The following CTNS variants were observed in gnomAD, a reference collection of about 807,000 sequenced individuals.
The protein encoded by CTNS is cystinosin, lysosomal cystine transporter, also known as cystinosin.
CTNS carries 27 observed loss-of-function variants against 43.7 expected under a neutral mutation model. The observed-to-expected ratio is 0.62, with a 90% CI of 0.46 to 0.85. The LOEUF (loss-of-function observed/expected upper bound fraction) is 0.85. Ranked by LOEUF, CTNS falls within the 40% of genes least tolerant of loss-of-function variation. The probability of loss-of-function intolerance (pLI) is 0.00; values close to 1 mark genes in which losing one functional copy is unlikely to be tolerated. For missense variants in CTNS, 457 were observed against 475.4 expected, an observed-to-expected ratio of 0.96 and a Z score of 0.36; for synonymous variants, 187 against 190.6, an observed-to-expected ratio of 0.98 and a Z score of 0.16.
At chr17:3,652,536 G>A (rs767560941) in intron 5 of CTNS, among the ~76,000 whole-genome samples, 4 of 152,050 alleles carry the variant, frequency 2.6e-5, no homozygotes, top group Non-Finnish European at 4.4e-5. Context: ...AGGTTGCAGC[G>A]AGCCGAAATC....
chr17:3,636,530 G>T (rs920347235), upstream of CTNS: 4 of 352,440 alleles, frequency 1.1e-5, no homozygotes, highest in Non-Finnish European at 2.1e-5. Flanking sequence ...AGGCGCTGGC[G>T]GCTCCAAGAG....
At chr17:3,654,135 T>G (rs1446817829) in intron 5 of CTNS, among the ~76,000 whole-genome samples, 3 of 152,170 alleles carry the variant, frequency 2.0e-5, no homozygotes, top group African/African-American at 7.2e-5. Context: ...TATTGTAGTA[T>G]AGCAGTGGCC....
Position 3,650,157 on chromosome 17 carries a change from A to G in CTNS, c.225+1226A>G, listed in dbSNP as rs187151885. 368 of 1,549,776 alleles carry G rather than the reference A, an allele frequency of 2.4e-4. 1 individual carries two copies. The East Asian group carries it at 8.8e-3, about 37-fold the overall frequency. ...AAATATATACACTTTTTATTTGTCAATGATACCTTAATAAAGCTGGTGGAA... is the reference window on the plus strand; with the variant it reads ...AAATATATACACTTTTTATTTGTCAGTGATACCTTAATAAAGCTGGTGGAA... On this transcript the variant is annotated intron_variant, in intron 5 of 11. Coordinates refer to ENST00000046640, the MANE Select transcript of CTNS (RefSeq NM_004937.3).
chr17:3,660,587 G>A lies in CTNS; in HGVS notation c.*218G>A, dbSNP rs766566995. ...CCCCGGCCAGGCACGTGGCACCGTC[G>A]CCTTGACACCGCCATCTCTTTTCTT... On this transcript the variant is annotated 3_prime_UTR_variant, in exon 12 of 12. Coordinates refer to ENST00000046640, the MANE Select transcript of CTNS (RefSeq NM_004937.3). 47 of 1,613,120 alleles carry A rather than the reference G, an allele frequency of 2.9e-5. No homozygotes were observed. The highest frequency in any genetic ancestry group is 3.3e-5 in the Admixed American group (2 of 60,018).
Position 3,640,215 on chromosome 17 carries a change from G to T in CTNS, c.9G>T (p.Arg3Ser). 6.2e-7 allele frequency: 1 copy of T among 1,613,990 alleles called. No individual in the cohort carries two copies. The highest frequency in any genetic ancestry group is 8.5e-7 in the Non-Finnish European group (1 of 1,179,866). Residue 3 changes from arginine (R) to serine (S), a missense_variant, in exon 3 of 12, where the codon AGG (arginine) becomes AGT (serine). Transcript: ENST00000046640. ...CTGAGAAATCGAGAAACATGATAAG[G>T]AATTGGCTGACTATTTTTATCCTTT... MI[R>S]NWLTIFILFP...
Position 3,647,507 on chromosome 17 carries a change from T to A in CTNS, c.125T>A (p.Val42Asp). The change falls in exon 4 of 12, where the codon GTC becomes GAC. Residue 42 changes from valine to aspartate, a missense_variant. Transcript: ENST00000046640. ...CTGGAGAACGGCAGCTCGACCAACG[T>A]CAGCCTCACCCTGCGGTAAGTTCCT... The part of the protein sequence containing the change: ...VKLENGSSTN[V>D]SLTLRPPLNA... 1 of 1,614,154 alleles carries A rather than the reference T, an allele frequency of 6.2e-7. No individual in the cohort carries two copies. Among genetic ancestry groups the A allele is most frequent in the Non-Finnish European group, 8.5e-7 (1 of 1,179,996 alleles).
At chr17:3,639,059 C>G (rs1172331487) in intron 2 of CTNS, among the ~76,000 whole-genome samples, 1 of 152,076 alleles carries the variant, frequency 6.6e-6, no homozygotes, top group Non-Finnish European at 1.5e-5. Flanking sequence ...AGGGAGATGT[C>G]CGGAGATGCT....
At chr17:3,641,384 A>ATATATATATATATATATATATTTTTT (rs1555558526) in intron 3 of CTNS, among the ~76,000 whole-genome samples, 1 of 31,202 alleles carries the variant, frequency 3.2e-5, no homozygotes, top group Non-Finnish European at 4.5e-5. Flanking sequence ...ATATATATAT[A>ATATATATATATATATATATATTTTTT]TTTTTTTTTT....
rs1160461548 is a variant in CTNS at position 3,655,535 on chromosome 17, T to G, written c.461+183T>G. On this transcript the variant is annotated intron_variant, in intron 7 of 11. Coordinates refer to ENST00000046640, the MANE Select transcript of CTNS (RefSeq NM_004937.3). Reference sequence around the variant, plus strand: ...GGGTCGGATTCCCGTGCTGGGCGTTTCATCCCTTGCCCAGCTCAGCCCCTC... The same window carrying G: ...GGGTCGGATTCCCGTGCTGGGCGTTGCATCCCTTGCCCAGCTCAGCCCCTC... 3.7e-6 allele frequency: 3 copies of G among 803,136 alleles called. No homozygotes were observed. The African/African-American group carries it at 5.2e-5, about 14-fold the overall frequency. The allele number at this position is 803,136 out of a possible 1,614,324, so 49.8% of individuals were successfully genotyped here. A position where few individuals can be genotyped will look rare whatever the true frequency, so the allele number is the denominator to read the frequency against.
Position 3,641,379 on chromosome 17 carries a change from TATA to T in CTNS, c.61+1113_61+1115del, listed in dbSNP as rs1567696116. Among the ~76,000 whole-genome samples, 57 of 54,722 alleles carry T rather than the reference TATA, an allele frequency of 1.0e-3. 1 individual carries two copies. The highest frequency in any genetic ancestry group is 4.5e-3 in the African/African-American group (48 of 10,688). The allele number at this position is 54,722 out of a possible 152,430, so 35.9% of individuals were successfully genotyped here. ...AGATACATATATATATATATATATA[TATA>T]TATTTTTTTTTTTTTTTTTTTTTTT... On this transcript the variant is annotated intron_variant, in intron 3 of 11. Transcript: ENST00000046640.
At chr17:3,636,473 C>T (rs1328476488), upstream of CTNS, 1 of 467,726 alleles carries the variant, frequency 2.1e-6, no homozygotes, top group African/African-American at 2.1e-5. Context: ...GCTCTGATTT[C>T]CGCCCAATGG....
chr17:3,659,301 C>G (rs968593819), intron 10 of CTNS, among the ~76,000 whole-genome samples: 2 of 152,194 alleles, frequency 1.3e-5, no homozygotes, highest in African/African-American at 4.8e-5. Flanking sequence ...GACCCGCCCC[C>G]CCAACCAGAC....
intron 3 of CTNS, among the ~76,000 whole-genome samples, chr17:3,642,082 T>TGC (rs1555558882): frequency 1.5e-5 from 2 of 136,144 alleles, no homozygotes; most frequent in South Asian, 2.4e-4. Flanking sequence ...TGTGTGTGTG[T>TGC]GCCTGGGCGT....
intron 3 of CTNS, among the ~76,000 whole-genome samples, chr17:3,646,632 T>A (rs1340030565): frequency 2.6e-5 from 4 of 152,014 alleles, no homozygotes; most frequent in Admixed American, 6.6e-5. Context: ...AAACAGAGTC[T>A]TTCTGTGTTG....
In CTNS at chr17:3,660,547, G is replaced by A; in HGVS notation, c.*178G>A. ...CATTCAATAGCCTGCCTTCGTCCGG[G>A]CCCCTCCTGGGCCTCCCCGGCCAGG... On this transcript the variant is annotated 3_prime_UTR_variant, in exon 12 of 12. Coordinates refer to ENST00000046640, the MANE Select transcript of CTNS (RefSeq NM_004937.3). 1 of 1,612,758 alleles carries A rather than the reference G, an allele frequency of 6.2e-7. No homozygotes were observed. The highest frequency in any genetic ancestry group is 8.5e-7 in the Non-Finnish European group (1 of 1,179,980).
At chr17:3,641,385 T>TATA (rs57286057) in intron 3 of CTNS, among the ~76,000 whole-genome samples, 8 of 42,066 alleles carry the variant, frequency 1.9e-4, no homozygotes, top group East Asian at 1.6e-3. Flanking sequence ...TATATATATA[T>TATA]TTTTTTTTTT....
At chr17:3,639,415 C>A (rs116115361) in intron 2 of CTNS, among the ~76,000 whole-genome samples, 3,377 of 152,168 alleles carry the variant, frequency 0.022, 131 homozygotes, top group African/African-American at 0.077. Context: ...TACCTGTAAC[C>A]CCAGCACTTT....
Position 3,655,029 on chromosome 17 carries a change from C to T in CTNS, c.257C>T (p.Ser86Phe). Reference protein sequence around the residue: ...VVVPPGVTNSSFQVTSQNVGQ... With the variant: ...VVVPPGVTNSFFQVTSQNVGQ... ...GTGCCTCCTGGAGTGACAAACTCCT[C>T]TTTTCAAGTGACATCTCAAAATGTT... is the stretch of plus-strand genomic sequence containing the variant. Residue 86 changes from serine to phenylalanine, a missense_variant, in exon 6 of 12, where the codon TCT becomes TTT. Coordinates refer to ENST00000046640, the MANE Select transcript of CTNS (RefSeq NM_004937.3). 6.2e-7 allele frequency: 1 copy of T among 1,614,038 alleles called. No homozygotes were observed. The highest frequency in any genetic ancestry group is 1.3e-5 in the African/African-American group (1 of 75,046).
At chr17:3,649,115 G>C (rs2075913188) in intron 5 of CTNS, among the ~76,000 whole-genome samples, 184 bp downstream of exon 5, 1 of 152,146 alleles carries the variant, frequency 6.6e-6, no homozygotes, top group Non-Finnish European at 1.5e-5. Flanking sequence ...GAATTAAGAA[G>C]GTGATAGTGA....
Sources: allele counts gnomAD v4.1 joint callset (sites outside exome capture counted in the v4.1 genomes callset), GRCh38; gene constraint gnomAD v4.1.1; transcripts MANE v1.5; gene names NCBI Gene and HGNC (gene_info 2026-07-23, HGNC 2026-07-21).